Variants in FHIT observed in about 807,000 individuals in gnomAD.
FHIT encodes bis(5'-adenosyl)-triphosphatase.
A neutral mutation model predicts 17.9 loss-of-function variants in FHIT; 19 were observed. The observed-to-expected ratio is 1.06, with a 90% CI of 0.74 to 1.56. The LOEUF (loss-of-function observed/expected upper bound fraction) is 1.56. Among genes scored for constraint, FHIT ranks in the 40% most tolerant of loss-of-function variants. The pLI is 0.00. For missense variants in FHIT, 248 were observed against 189.2 expected (o/e 1.31, Z -1.82); for synonymous variants, 81 against 69.7 (o/e 1.16, Z -0.81).
chr3:60,166,829 C>A (rs1377699509), intron 5 of FHIT, among the ~76,000 whole-genome samples: 1 of 152,082 alleles, frequency 6.6e-6, no homozygotes, highest in East Asian at 1.9e-4. Flanking sequence ...CACCTTAATA[C>A]CAAATATTAT....
chr3:60,136,712 G>T (rs947751689), intron 5 of FHIT, among the ~76,000 whole-genome samples: 1 of 152,138 alleles, frequency 6.6e-6, no homozygotes, highest in Non-Finnish European at 1.5e-5. Flanking sequence ...CAGTTGTTAA[G>T]ACCGCACATT....
At chr3:60,889,137 T>G (rs1705372535) in intron 3 of FHIT, among the ~76,000 whole-genome samples, 1 of 152,218 alleles carries the variant, frequency 6.6e-6, no homozygotes, top group Non-Finnish European at 1.5e-5. Flanking sequence ...TGCTCTGCCC[T>G]GACTCATTCT....
chr3:59,871,676 G>C (rs186975536), intron 8 of FHIT, among the ~76,000 whole-genome samples: 1 of 152,336 alleles, frequency 6.6e-6, no homozygotes, highest in Admixed American at 6.5e-5. Context: ...AGTGGGTAAA[G>C]AGTCTTTGAG....
intron 4 of FHIT, among the ~76,000 whole-genome samples, chr3:60,809,205 T>C (rs1553735356): frequency 1.3e-5 from 2 of 152,208 alleles, no homozygotes; most frequent in Non-Finnish European, 2.9e-5. Context: ...TATCATTAAA[T>C]ATGACATTGT....
At chr3:60,100,532 G>A (rs1044691889) in intron 5 of FHIT, among the ~76,000 whole-genome samples, 1 of 152,118 alleles carries the variant, frequency 6.6e-6, no homozygotes, top group African/African-American at 2.4e-5. Context: ...GTTTCCACCT[G>A]CAGGCATAGG....
chr3:60,438,446 C>T (rs1559912985), intron 5 of FHIT, among the ~76,000 whole-genome samples: 1 of 152,004 alleles, frequency 6.6e-6, no homozygotes, highest in Non-Finnish European at 1.5e-5. Flanking sequence ...TTTGCTGTCT[C>T]ATCCTTACAA....
At chr3:61,126,924 G>C in intron 2 of FHIT, among the ~76,000 whole-genome samples, 1 of 152,102 alleles carries the variant, frequency 6.6e-6, no homozygotes, top group South Asian at 2.1e-4. Flanking sequence ...ATGAAGGGCA[G>C]AGCAACCCTA....
intron 1 of FHIT, among the ~76,000 whole-genome samples, chr3:61,244,956 G>T (rs1157413865): frequency 6.6e-6 from 1 of 152,076 alleles, no homozygotes; most frequent in Non-Finnish European, 1.5e-5. Context: ...TGTTACAGGG[G>T]AGTCAACCAA....
At chr3:60,089,964 C>T (rs1703661346) in intron 5 of FHIT, among the ~76,000 whole-genome samples, 2 of 152,280 alleles carry the variant, frequency 1.3e-5, no homozygotes, top group East Asian at 1.9e-4. Context: ...GGAACAACAA[C>T]AATAACAACA....
chr3:60,662,383 T>C (rs2040278276), intron 4 of FHIT, among the ~76,000 whole-genome samples: 1 of 152,214 alleles, frequency 6.6e-6, no homozygotes, highest in Non-Finnish European at 1.5e-5. Flanking sequence ...TTCTCTATTC[T>C]GCTCCATTCG....
chr3:61,186,016 A>C lies in FHIT; in HGVS notation c.-164+14601T>G, dbSNP rs1165050503. ...ACAAAACAAAGAAGCATTTTCATTAAAACAATATAATTAACCTGCACCATT... is the reference window on the plus strand; with the variant it reads ...ACAAAACAAAGAAGCATTTTCATTACAACAATATAATTAACCTGCACCATT... On this transcript the variant is annotated intron_variant, in intron 2 of 9. Transcript: ENST00000492590. Among the ~76,000 whole-genome samples the C allele has an allele frequency of 3.9e-5, 6 of 152,232 alleles. No homozygotes were observed. In the East Asian group the frequency reaches 9.6e-4, roughly 24 times the overall value.
chr3:61,237,102 T>C (rs1160814069), intron 1 of FHIT, among the ~76,000 whole-genome samples: 4 of 152,340 alleles, frequency 2.6e-5, no homozygotes, highest in Non-Finnish European at 4.4e-5. Flanking sequence ...TTTTTTCTGA[T>C]TAAATGTACA....
intron 5 of FHIT, among the ~76,000 whole-genome samples, chr3:60,166,910 C>T (rs563172449): frequency 1.3e-5 from 2 of 152,108 alleles, no homozygotes. Context: ...GTACTTGCCT[C>T]CCAAGATAGG....
intron 1 of FHIT, among the ~76,000 whole-genome samples, chr3:61,201,583 G>A (rs2106680229): frequency 6.6e-6 from 1 of 151,878 alleles, no homozygotes; most frequent in Non-Finnish European, 1.5e-5. Context: ...GCTTTTACTG[G>A]GCTGTTTCCC....
chr3:60,573,005 G>T (rs1241808020), intron 4 of FHIT, among the ~76,000 whole-genome samples: 1 of 152,082 alleles, frequency 6.6e-6, no homozygotes, highest in African/African-American at 2.4e-5. Context: ...ATAAAACTGA[G>T]GCCCAAGTTA....
intron 8 of FHIT, among the ~76,000 whole-genome samples, chr3:59,790,544 A>G (rs908287234): frequency 2.0e-5 from 3 of 151,656 alleles, no homozygotes; most frequent in African/African-American, 7.3e-5. Flanking sequence ...GTGTGTGTGT[A>G]TAAATCATCT....
At chr3:60,041,017 T>C (rs948896774) in intron 5 of FHIT, among the ~76,000 whole-genome samples, 2 of 152,162 alleles carry the variant, frequency 1.3e-5, no homozygotes, top group African/African-American at 4.8e-5. Flanking sequence ...ACCACAGGTG[T>C]CAGATATGTA....
intron 4 of FHIT, among the ~76,000 whole-genome samples, chr3:60,594,654 A>T (rs1373403008): frequency 6.6e-6 from 1 of 151,806 alleles, no homozygotes; most frequent in Non-Finnish European, 1.5e-5. Context: ...AGGGTTTTCT[A>T]TTCCCCTACT....
At chr3:60,042,793 T>C (rs776906242) in intron 5 of FHIT, among the ~76,000 whole-genome samples, 2 of 152,050 alleles carry the variant, frequency 1.3e-5, no homozygotes, top group African/African-American at 4.8e-5. Context: ...GATATTAATG[T>C]TCAAAAAATT....
Sources: allele counts gnomAD v4.1 joint callset (sites outside exome capture counted in the v4.1 genomes callset), GRCh38; gene constraint gnomAD v4.1.1; transcripts MANE v1.5; gene names NCBI Gene and HGNC (gene_info 2026-07-23, HGNC 2026-07-21).